The following NCOA6 variants were observed in gnomAD, a reference collection of about 807,000 sequenced individuals.
The protein encoded by NCOA6 is NRC RAP250.
In NCOA6, 49 loss-of-function variants were observed where a neutral mutation model predicts 171.4. The ratio of observed to expected loss-of-function variants is 0.29; its 90% CI spans 0.23 to 0.36. The LOEUF is 0.36. NCOA6 is among the 10% of genes least tolerant of loss of function. The probability of loss-of-function intolerance (pLI) is 1.00; values close to 1 mark genes in which losing one functional copy is unlikely to be tolerated. For missense variants in NCOA6, 2,248 were observed against 2,554.5 expected, an observed-to-expected ratio of 0.88 and a Z score of 2.59; for synonymous variants, 910 against 927.5, an observed-to-expected ratio of 0.98 and a Z score of 0.34.
At chr20:34,760,555 A>G (rs1399474504) in intron 5 of NCOA6, among the ~76,000 whole-genome samples, 1 of 152,206 alleles carries the variant, frequency 6.6e-6, no homozygotes, top group African/African-American at 2.4e-5. Flanking sequence ...CTCTGGAAGA[A>G]TGTGTGTATC....
intron 1 of NCOA6, among the ~76,000 whole-genome samples, chr20:34,824,078 G>A (rs1003126109): frequency 6.6e-6 from 1 of 152,202 alleles, no homozygotes; most frequent in African/African-American, 2.4e-5. Flanking sequence ...ATAACTGGCT[G>A]CCTATACTTT....
chr20:34,821,188 G>C (rs1346711391), intron 1 of NCOA6: 1 of 152,214 alleles, frequency 6.6e-6, no homozygotes, highest in African/African-American at 2.4e-5. Flanking sequence ...TTTTTGTAAA[G>C]AGTATTTCCA....
intron 14 of NCOA6, among the ~76,000 whole-genome samples, chr20:34,719,762 A>G (rs1280328060): frequency 6.6e-6 from 1 of 152,160 alleles, no homozygotes; most frequent in East Asian, 1.9e-4. Flanking sequence ...ACTCTGTCTC[A>G]AAACAAACAA....
At chr20:34,782,636 TA>T (rs1282292055) in intron 2 of NCOA6, among the ~76,000 whole-genome samples, 3 of 152,192 alleles carry the variant, frequency 2.0e-5, no homozygotes, top group Non-Finnish European at 4.4e-5. Flanking sequence ...TTTATTATGT[TA>T]TATGCTACTT....
At chr20:34,785,894 CA>C (rs1490843673) in intron 2 of NCOA6, among the ~76,000 whole-genome samples, 1 of 135,924 alleles carries the variant, frequency 7.4e-6, no homozygotes, top group Non-Finnish European at 1.6e-5. Context: ...AAAAAAAAAA[CA>C]GAGAGAAATT....
chr20:34,767,591 C>T (rs749034176), intron 5 of NCOA6, among the ~76,000 whole-genome samples: 5 of 152,178 alleles, frequency 3.3e-5, no homozygotes, highest in African/African-American at 9.6e-5. Context: ...CAATCGTGCC[C>T]GGCCAAGACT....
chr20:34,751,267 G>A (rs373684368), intron 8 of NCOA6, among the ~76,000 whole-genome samples: 1 of 148,756 alleles, frequency 6.7e-6, no homozygotes, highest in East Asian at 2.0e-4. Flanking sequence ...CTACTCGGGA[G>A]GCTGAGGCAG....
Position 34,793,321 on chromosome 20 carries a change from T to C in NCOA6, c.-163-758A>G, listed in dbSNP as rs80169723. Reference sequence around the variant, plus strand: ...ACATACAAAATACAAGACCCGCTTTTCTAACAGGATTTCAAATTTAGCTTT... The same window carrying C: ...ACATACAAAATACAAGACCCGCTTTCCTAACAGGATTTCAAATTTAGCTTT... On this transcript the variant is annotated intron_variant, in intron 1 of 14. Transcript: ENST00000359003. Among the ~76,000 whole-genome samples the C allele has an allele frequency of 6.3e-4, 96 of 152,334 alleles. 1 individual carries two copies. In the East Asian group the frequency reaches 0.017, roughly 27 times the overall value.
intron 9 of NCOA6, among the ~76,000 whole-genome samples, chr20:34,747,594 C>T (rs978845105): frequency 1.3e-5 from 2 of 152,168 alleles, no homozygotes; most frequent in Non-Finnish European, 2.9e-5. Context: ...GGTCACGGGC[C>T]TCATTTTGTT....
chr20:34,736,311 G>A (rs866251030), intron 12 of NCOA6, among the ~76,000 whole-genome samples: 2 of 152,190 alleles, frequency 1.3e-5, no homozygotes, highest in Non-Finnish European at 2.9e-5. Flanking sequence ...TACAAAGTGC[G>A]TTAATGCTTG....
chr20:34,719,338 T>A (rs959945414), intron 14 of NCOA6, among the ~76,000 whole-genome samples: 10 of 151,952 alleles, frequency 6.6e-5, no homozygotes, highest in Non-Finnish European at 1.2e-4. Flanking sequence ...TTGTAAAAAA[T>A]TCTGGAAATC....
intron 2 of NCOA6, among the ~76,000 whole-genome samples, chr20:34,786,272 T>C (rs1002928549): frequency 6.6e-6 from 1 of 152,212 alleles, no homozygotes; most frequent in Non-Finnish European, 1.5e-5. Context: ...TAGCTAGTGA[T>C]CTATCAATTT....
At chr20:34,729,131 A>G (rs1452832576) in intron 13 of NCOA6, among the ~76,000 whole-genome samples, 1 of 152,098 alleles carries the variant, frequency 6.6e-6, no homozygotes, top group Non-Finnish European at 1.5e-5. Flanking sequence ...TTGTATTTTT[A>G]GTAAAGATGG....
At chr20:34,743,477 G>C (rs1194507681) in intron 10 of NCOA6, 136 bp from the exon 11 acceptor site, 4 of 851,816 alleles carry the variant, frequency 4.7e-6, no homozygotes. Flanking sequence ...CCACTCCTGG[G>C]GCAGGGGGCA....
At chr20:34,717,064 T>C (rs1198942320) in intron 14 of NCOA6, among the ~76,000 whole-genome samples, 2 of 152,234 alleles carry the variant, frequency 1.3e-5, no homozygotes, top group Non-Finnish European at 2.9e-5. Context: ...CCTTTGTCTT[T>C]TGTATCATAA....
intron 2 of NCOA6, among the ~76,000 whole-genome samples, chr20:34,789,725 T>C (rs2077809112): frequency 2.0e-5 from 3 of 152,024 alleles, no homozygotes; most frequent in Admixed American, 2.0e-4. Flanking sequence ...GGGTGGAGGT[T>C]GTGGTGAGCT....
chr20:34,767,459 C>T (rs1289526207), intron 5 of NCOA6, among the ~76,000 whole-genome samples: 1 of 152,064 alleles, frequency 6.6e-6, no homozygotes, highest in Non-Finnish European at 1.5e-5. Context: ...CCACACCTAG[C>T]TAATTTTTGT....
chr20:34,787,280 T>C (rs1239754832), intron 2 of NCOA6, among the ~76,000 whole-genome samples: 1 of 151,884 alleles, frequency 6.6e-6, no homozygotes, highest in Non-Finnish European at 1.5e-5. Flanking sequence ...TCCCAGCACT[T>C]TGGGAGGCTG....
intron 4 of NCOA6, among the ~76,000 whole-genome samples, chr20:34,771,037 GC>G (rs2077134571): frequency 6.6e-6 from 1 of 152,092 alleles, no homozygotes; most frequent in South Asian, 2.1e-4. Flanking sequence ...TTTTCTAGAA[GC>G]CACAGTAAGA....
Sources: allele counts gnomAD v4.1 joint callset (sites outside exome capture counted in the v4.1 genomes callset), GRCh38; gene constraint gnomAD v4.1.1; transcripts MANE v1.5; gene names NCBI Gene and HGNC (gene_info 2026-07-23, HGNC 2026-07-21).